ZNF609: variants seen among roughly 807,000 people sequenced by gnomAD.
ZNF609 encodes zinc finger protein 609.
ZNF609 carries 11 observed loss-of-function variants against 109.5 expected under a neutral mutation model. The ratio of observed to expected loss-of-function variants is 0.10; its 90% CI spans 0.06 to 0.17. ZNF609 has a LOEUF of 0.17. Among genes scored for constraint, ZNF609 ranks in the 10% least tolerant of loss-of-function variants. ZNF609 has a pLI of 1.00. For missense variants in ZNF609, 1,559 were observed against 1,772.4 expected (o/e 0.88, Z 2.16); for synonymous variants, 646 against 662.0 (o/e 0.98, Z 0.37).
At chr15:64,459,631 GAT>G (rs1286397739), upstream of ZNF609, among the ~76,000 whole-genome samples, 9 of 152,182 alleles carry the variant, frequency 5.9e-5, no homozygotes, top group African/African-American at 2.2e-4. Context: ...AAAAAGGTAA[GAT>G]AAATGCAAAG....
At chr15:64,511,815 A>G (rs1414067611) in intron 2 of ZNF609, among the ~76,000 whole-genome samples, 2 of 151,300 alleles carry the variant, frequency 1.3e-5, no homozygotes, top group African/African-American at 4.9e-5. Flanking sequence ...CCTGGGTTCA[A>G]GTGATTCTCC....
intron 2 of ZNF609, among the ~76,000 whole-genome samples, chr15:64,535,221 A>G (rs181278783): frequency 1.3e-5 from 2 of 152,024 alleles, no homozygotes; most frequent in Non-Finnish European, 2.9e-5. Flanking sequence ...ATTAATTTTT[A>G]AAATTTTTTG....
At chr15:64,535,838 C>T (rs1025839009) in intron 2 of ZNF609, among the ~76,000 whole-genome samples, 2 of 152,106 alleles carry the variant, frequency 1.3e-5, no homozygotes, top group Non-Finnish European at 1.5e-5. Flanking sequence ...AATGGTACCT[C>T]AATGTGGTTT....
At chr15:64,570,688 C>T (rs1595721994) in intron 2 of ZNF609, among the ~76,000 whole-genome samples, 1 of 152,250 alleles carries the variant, frequency 6.6e-6, no homozygotes, top group East Asian at 1.9e-4. Context: ...ACGATGAGTT[C>T]ACTCCTATTA....
chr15:64,577,796 T>C (rs1268619058), intron 2 of ZNF609, among the ~76,000 whole-genome samples: 1 of 149,622 alleles, frequency 6.7e-6, no homozygotes, highest in African/African-American at 2.5e-5. Flanking sequence ...GAGTCAGAGG[T>C]TTCAGTGAGC....
At chr15:64,677,985 G>A in intron 5 of ZNF609, 131 bp from the exon 6 acceptor site, 1 of 1,273,684 alleles carries the variant, frequency 7.9e-7, no homozygotes, top group South Asian at 1.5e-5. Context: ...GATCAGTAGA[G>A]GCCAAAATCC....
intron 2 of ZNF609, among the ~76,000 whole-genome samples, chr15:64,586,639 C>G (rs909846388): frequency 6.6e-6 from 1 of 151,548 alleles, no homozygotes; most frequent in Non-Finnish European, 1.5e-5. Flanking sequence ...CTGAACCATC[C>G]CCCGTCCCGC....
At chr15:64,648,719 AAT>A (rs1896370428) in intron 3 of ZNF609, among the ~76,000 whole-genome samples, 1 of 150,820 alleles carries the variant, frequency 6.6e-6, no homozygotes, top group African/African-American at 2.4e-5. Context: ...CATTATTGGA[AAT>A]ACTGTCTGAC....
chr15:64,626,591 C>T (rs186126696), intron 3 of ZNF609, among the ~76,000 whole-genome samples: 96 of 152,256 alleles, frequency 6.3e-4, no homozygotes, highest in African/African-American at 2.2e-3. Context: ...GAATGGAGGA[C>T]ACTGAGGTCC....
At chr15:64,488,917 AG>A (rs368098416) in intron 1 of ZNF609, among the ~76,000 whole-genome samples, 121,517 of 142,244 alleles carry the variant, frequency 0.85, 52,448 homozygotes, top group East Asian at 0.96. Context: ...TACAAAAAAA[AG>A]AAAGAAAGAA....
At chr15:64,539,441 G>A (rs1024242591) in intron 2 of ZNF609, among the ~76,000 whole-genome samples, 19 of 151,548 alleles carry the variant, frequency 1.3e-4, no homozygotes, top group East Asian at 9.8e-4. Flanking sequence ...TCTCCTGACC[G>A]CGTGATCCAC....
At chr15:64,610,609 C>G (rs1784698685) in intron 2 of ZNF609, among the ~76,000 whole-genome samples, 1 of 152,130 alleles carries the variant, frequency 6.6e-6, no homozygotes, top group African/African-American at 2.4e-5. Context: ...GATTGCGCCA[C>G]TGTAGTCCGG....
chr15:64,671,854 A>G (rs1286526058), intron 4 of ZNF609, among the ~76,000 whole-genome samples: 2 of 152,144 alleles, frequency 1.3e-5, no homozygotes, highest in East Asian at 1.9e-4. Flanking sequence ...TTCCCATGAA[A>G]CAAAGATGGG....
intron 3 of ZNF609, among the ~76,000 whole-genome samples, chr15:64,652,388 ATTTTTTT>A: frequency 7.3e-6 from 1 of 136,496 alleles, no homozygotes; most frequent in East Asian, 2.1e-4. Flanking sequence ...TGCCTGGCTA[ATTTTTTT>A]TTTTTTTTTG....
intron 2 of ZNF609, among the ~76,000 whole-genome samples, chr15:64,617,353 G>A (rs924600174): frequency 4.6e-5 from 7 of 151,786 alleles, no homozygotes; most frequent in African/African-American, 1.5e-4. Flanking sequence ...AATTAGCCTA[G>A]CATGGTGGTG....
At position 64,674,269 on chromosome 15, in the gene ZNF609, C is replaced by A. The variant is rs1443917782; in HGVS notation, c.1415C>A (p.Thr472Asn). The change falls in exon 5 of 10, where the codon ACT (threonine) becomes AAT (asparagine). Residue 472 changes from threonine (T) to asparagine (N), a missense_variant. Transcript: ENST00000326648. Reference sequence around the variant, plus strand: ...CGTACTAATTCCATGGGCTCAGCCACTGGCCCCCTTCCTGGGACAAAGGTA... The same window carrying A: ...CGTACTAATTCCATGGGCTCAGCCAATGGCCCCCTTCCTGGGACAAAGGTA... The part of the protein sequence containing the change: ...RVRTNSMGSA[T>N]GPLPGTKVEP... 1 of 1,614,106 alleles carries A rather than the reference C, an allele frequency of 6.2e-7. No individual in the cohort carries two copies. The highest frequency in any genetic ancestry group is 8.5e-7 in the Non-Finnish European group (1 of 1,180,040).
At chr15:64,585,128 C>T (rs761714220) in intron 2 of ZNF609, among the ~76,000 whole-genome samples, 11 of 151,482 alleles carry the variant, frequency 7.3e-5, no homozygotes, top group Non-Finnish European at 1.5e-4. Flanking sequence ...AGTTTGAGAC[C>T]ATCCTGGCCA....
At chr15:64,553,696 T>G (rs967736171) in intron 2 of ZNF609, among the ~76,000 whole-genome samples, 1 of 152,060 alleles carries the variant, frequency 6.6e-6, no homozygotes, top group Middle Eastern at 3.2e-3. Context: ...CCTTCTGGGT[T>G]CACGCCATTC....
At chr15:64,627,746 CA>C (rs1567033518) in intron 3 of ZNF609, among the ~76,000 whole-genome samples, 1 of 141,108 alleles carries the variant, frequency 7.1e-6, no homozygotes, top group East Asian at 2.1e-4. Flanking sequence ...TCTCTCACTG[CA>C]GCCTCAAACT....
Sources: allele counts gnomAD v4.1 joint callset (sites outside exome capture counted in the v4.1 genomes callset), GRCh38; gene constraint gnomAD v4.1.1; transcripts MANE v1.5; gene names NCBI Gene and HGNC (gene_info 2026-07-23, HGNC 2026-07-21).